ASXL2: variants seen among roughly 807,000 people sequenced by gnomAD.
The protein encoded by ASXL2 is putative Polycomb group protein ASXL2.
ASXL2 carries 23 observed loss-of-function variants against 122.0 expected under a neutral mutation model. The ratio of observed to expected loss-of-function variants is 0.19; its 90% CI spans 0.14 to 0.27. The LOEUF (loss-of-function observed/expected upper bound fraction) is 0.27, where lower values mean the gene tolerates loss of function less well. Among genes scored for constraint, ASXL2 ranks in the 10% least tolerant of loss-of-function variants. The probability of loss-of-function intolerance (pLI) is 1.00; values close to 1 mark genes in which losing one functional copy is unlikely to be tolerated. For missense variants in ASXL2, 1,518 were observed against 1,713.8 expected (o/e 0.89, Z 2.02); for synonymous variants, 650 against 637.0 (o/e 1.02, Z -0.31).
intron 5 of ASXL2, among the ~76,000 whole-genome samples, chr2:25,789,179 CA>C (rs2088793083): frequency 6.6e-6 from 1 of 151,868 alleles, no homozygotes; most frequent in Non-Finnish European, 1.5e-5. Flanking sequence ...GCATTTTCTG[CA>C]GTTCAATTTT....
At chr2:25,863,915 A>G (rs898372737) in intron 1 of ASXL2, among the ~76,000 whole-genome samples, 2 of 151,614 alleles carry the variant, frequency 1.3e-5, no homozygotes, top group Non-Finnish European at 2.9e-5. Context: ...CTGAGGCAGG[A>G]CAACTGCTTG....
chr2:25,811,627 G>A (rs2089172567), intron 3 of ASXL2, among the ~76,000 whole-genome samples: 7 of 151,922 alleles, frequency 4.6e-5, no homozygotes. Flanking sequence ...TTATAAAAAG[G>A]CAAATTAAAT....
At chr2:25,774,162 C>T (rs1035955103) in intron 5 of ASXL2, among the ~76,000 whole-genome samples, 7 of 151,934 alleles carry the variant, frequency 4.6e-5, no homozygotes, top group African/African-American at 1.7e-4. Flanking sequence ...AGGTACTATG[C>T]TTATTTCCTG....
At chr2:25,805,190 G>C (rs1361248796) in intron 4 of ASXL2, among the ~76,000 whole-genome samples, 1 of 152,196 alleles carries the variant, frequency 6.6e-6, no homozygotes, top group Non-Finnish European at 1.5e-5. Context: ...CCAATCTTCT[G>C]AACTTTGACT....
chr2:25,805,951 A>G (rs1254531013), intron 4 of ASXL2, among the ~76,000 whole-genome samples: 1 of 152,230 alleles, frequency 6.6e-6, no homozygotes, highest in Non-Finnish European at 1.5e-5. Context: ...TGTTGGGATT[A>G]CAGGCGTGAG....
At chr2:25,824,828 C>T (rs2089357182) in intron 3 of ASXL2, among the ~76,000 whole-genome samples, 2 of 152,152 alleles carry the variant, frequency 1.3e-5, no homozygotes, top group South Asian at 4.1e-4. Flanking sequence ...CACTGAGCAT[C>T]ATGACATTTT....
chr2:25,837,090 G>GA (rs2089520563), intron 2 of ASXL2, among the ~76,000 whole-genome samples: 1 of 121,758 alleles, frequency 8.2e-6, no homozygotes, highest in Non-Finnish European at 1.7e-5. Context: ...GGGGTGGGGG[G>GA]GGGGGGCGTG....
intron 10 of ASXL2, among the ~76,000 whole-genome samples, chr2:25,754,543 C>T (rs528971856): frequency 6.6e-6 from 1 of 152,238 alleles, no homozygotes; most frequent in African/African-American, 2.4e-5. Context: ...AGAACTCCTG[C>T]TATTGAGTCT....
chr2:25,802,742 G>T (rs1182902055), intron 4 of ASXL2, among the ~76,000 whole-genome samples: 1 of 152,188 alleles, frequency 6.6e-6, no homozygotes, highest in African/African-American at 2.4e-5. Flanking sequence ...GAGACTGAAG[G>T]TGGAGCTGAT....
intron 5 of ASXL2, among the ~76,000 whole-genome samples, chr2:25,784,918 A>T (rs1359941023): frequency 6.6e-6 from 1 of 152,244 alleles, no homozygotes; most frequent in Non-Finnish European, 1.5e-5. Context: ...TTGAAGCATA[A>T]CACTTGTTTT....
intron 5 of ASXL2, among the ~76,000 whole-genome samples, chr2:25,777,644 T>G (rs1286848605): frequency 1.3e-5 from 2 of 152,172 alleles, no homozygotes; most frequent in Non-Finnish European, 2.9e-5. Flanking sequence ...AACTTCTGTC[T>G]TATAATTCCT....
chr2:25,798,680 C>T (rs1324025629), intron 5 of ASXL2, among the ~76,000 whole-genome samples: 1 of 152,090 alleles, frequency 6.6e-6, no homozygotes, highest in Non-Finnish European at 1.5e-5. Flanking sequence ...AGGGTAATTG[C>T]TTGAACCCAG....
At chr2:25,760,780 G>C (rs1237938526) in intron 8 of ASXL2, among the ~76,000 whole-genome samples, 1 of 152,156 alleles carries the variant, frequency 6.6e-6, no homozygotes, top group Non-Finnish European at 1.5e-5. Flanking sequence ...CACTACAAGA[G>C]AGAATCATTA....
chr2:25,759,753 T>G, intron 8 of ASXL2, 108 bp from the exon 9 acceptor site: 1 of 1,135,110 alleles, frequency 8.8e-7, no homozygotes. Context: ...AGCATTTAAA[T>G]ATCACACTAC....
intron 2 of ASXL2, chr2:25,845,158 C>A: frequency 3.5e-6 from 1 of 283,638 alleles, no homozygotes; most frequent in Non-Finnish European, 7.2e-6. Context: ...TAATTTTTAT[C>A]ACTAATGACC....
chr2:25,844,093 C>T (rs1196592085), intron 2 of ASXL2, among the ~76,000 whole-genome samples: 4 of 152,202 alleles, frequency 2.6e-5, no homozygotes, highest in Admixed American at 6.5e-5. Flanking sequence ...AAACAGCCCC[C>T]CAAAATTCTA....
intron 1 of ASXL2, among the ~76,000 whole-genome samples, chr2:25,859,376 A>T (rs1402771197): frequency 6.6e-6 from 1 of 152,228 alleles, no homozygotes; most frequent in Admixed American, 6.5e-5. Flanking sequence ...ATAACTTTTA[A>T]GCAAAAAGTG....
Position 25,768,800 on chromosome 2 carries a change from G to A in ASXL2, c.573C>T (p.Asn191=). The A allele has an allele frequency of 6.2e-7, 1 of 1,613,930 alleles. No homozygotes were observed. The highest frequency in any genetic ancestry group is 8.5e-7 in the Non-Finnish European group (1 of 1,179,830). Residue 191 remains asparagine, a synonymous_variant, in exon 7 of 13, where the codon AAC becomes AAT. Transcript: ENST00000435504. ...TGACAGTCTTTAGTGAGAGATGCTG[G>A]TTGGAGGAGATGGATATGCTTGGCC... ...QCRPSISISS[N]QHLSLKTVKA...
At chr2:25,795,974 C>T (rs1461775898) in intron 5 of ASXL2, among the ~76,000 whole-genome samples, 2 of 152,114 alleles carry the variant, frequency 1.3e-5, no homozygotes, top group Non-Finnish European at 2.9e-5. Context: ...CAGAAGCACC[C>T]TCTTTGTCTT....
Sources: allele counts gnomAD v4.1 joint callset (sites outside exome capture counted in the v4.1 genomes callset), GRCh38; gene constraint gnomAD v4.1.1; transcripts MANE v1.5; gene names NCBI Gene and HGNC (gene_info 2026-07-23, HGNC 2026-07-21).